The following B3GALT1 variants were observed in gnomAD, a reference collection of about 807,000 sequenced individuals.
The protein encoded by B3GALT1 is UDP-Gal:betaGlcNAc beta 1,3-galactosyltransferase, polypeptide 1.
In B3GALT1, 10 loss-of-function variants were observed where a neutral mutation model predicts 23.2. The ratio of observed to expected loss-of-function variants is 0.43; its 90% CI spans 0.27 to 0.73. The LOEUF (loss-of-function observed/expected upper bound fraction) is 0.73, where lower values mean the gene tolerates loss of function less well. B3GALT1 is among the 30% of genes least tolerant of loss of function. B3GALT1 has a pLI of 0.21. For synonymous variants in B3GALT1, 156 were observed against 141.5 expected (o/e 1.10, Z -0.73); for missense variants, 299 against 405.4 (o/e 0.74, Z 2.25).
chr2:167,433,111 C>T (rs1033798995), intron 1 of B3GALT1, among the ~76,000 whole-genome samples: 3 of 152,174 alleles, frequency 2.0e-5, no homozygotes, highest in Admixed American at 2.0e-4. Flanking sequence ...TTTCCCAACT[C>T]CTGGAAACCA....
At chr2:167,631,341 C>G (rs1249887767) in intron 2 of B3GALT1, 4 of 151,846 alleles carry the variant, frequency 2.6e-5, no homozygotes, top group Admixed American at 6.6e-5. Flanking sequence ...CCATACACAC[C>G]TGCCATTCAC....
chr2:167,866,233 T>C (rs1303662375), intron 4 of B3GALT1, among the ~76,000 whole-genome samples: 1 of 152,198 alleles, frequency 6.6e-6, no homozygotes, highest in Non-Finnish European at 1.5e-5. Flanking sequence ...TTACGGCTAG[T>C]GTGAATGGCA....
At chr2:167,657,179 T>C (rs1047597383) in intron 3 of B3GALT1, among the ~76,000 whole-genome samples, 5 of 152,148 alleles carry the variant, frequency 3.3e-5, no homozygotes, top group Non-Finnish European at 2.9e-5. Flanking sequence ...ACCCAGGGGA[T>C]ATTCAAATGG....
chr2:167,798,441 C>G (rs961464006), intron 3 of B3GALT1, among the ~76,000 whole-genome samples: 2 of 152,028 alleles, frequency 1.3e-5, no homozygotes, highest in Non-Finnish European at 2.9e-5. Context: ...GTCTTTAATC[C>G]ATCTTGAGTT....
intron 1 of B3GALT1, among the ~76,000 whole-genome samples, chr2:167,417,158 A>T (rs61107173): frequency 2.0e-4 from 30 of 152,114 alleles, no homozygotes; most frequent in African/African-American, 7.2e-4. Context: ...TTGACACTCA[A>T]TCCTCAATGT....
chr2:167,540,192 AG>A (rs773435765), intron 2 of B3GALT1, among the ~76,000 whole-genome samples: 3 of 152,122 alleles, frequency 2.0e-5, no homozygotes, highest in Non-Finnish European at 4.4e-5. Context: ...CAGCTAGTCC[AG>A]GGGTTACCAA....
At chr2:167,564,187 G>A (rs1399029536) in intron 2 of B3GALT1, among the ~76,000 whole-genome samples, 6 of 150,806 alleles carry the variant, frequency 4.0e-5, no homozygotes, top group Non-Finnish European at 7.4e-5. Flanking sequence ...CTTCTCAGAC[G>A]GGGCGGCCGG....
chr2:167,633,322 C>T (rs762353623), intron 2 of B3GALT1, among the ~76,000 whole-genome samples: 2 of 151,802 alleles, frequency 1.3e-5, no homozygotes, highest in Admixed American at 1.3e-4. Flanking sequence ...AACCGCCCAT[C>T]AGACTTGTAA....
intron 1 of B3GALT1, among the ~76,000 whole-genome samples, chr2:167,439,043 T>C (rs1290200949): frequency 2.0e-5 from 3 of 152,232 alleles, no homozygotes; most frequent in Non-Finnish European, 4.4e-5. Flanking sequence ...ACAGAATAAA[T>C]ATTCAAAGGC....
intron 1 of B3GALT1, among the ~76,000 whole-genome samples, chr2:167,463,389 C>T (rs1414931215): frequency 6.6e-6 from 1 of 152,086 alleles, no homozygotes; most frequent in African/African-American, 2.4e-5. Context: ...ATTACTAATA[C>T]ACTAATAGCC....
At chr2:167,619,904 A>G (rs927826327) in intron 2 of B3GALT1, among the ~76,000 whole-genome samples, 1 of 152,174 alleles carries the variant, frequency 6.6e-6, no homozygotes, top group African/African-American at 2.4e-5. Context: ...AACTATTTTC[A>G]TAGAACTTGC....
intron 2 of B3GALT1, among the ~76,000 whole-genome samples, chr2:167,520,426 G>A (rs1245875356): frequency 6.6e-6 from 1 of 152,146 alleles, no homozygotes; most frequent in Non-Finnish European, 1.5e-5. Flanking sequence ...TCTGATAAGA[G>A]GAGTGAGTAG....
intron 3 of B3GALT1, among the ~76,000 whole-genome samples, chr2:167,813,745 C>G (rs769308970): frequency 1.3e-5 from 2 of 152,078 alleles, no homozygotes; most frequent in African/African-American, 2.4e-5. Flanking sequence ...AGAATAGTAC[C>G]CTTAAATATT....
At chr2:167,841,147 C>T (rs1689640629) in intron 4 of B3GALT1, among the ~76,000 whole-genome samples, 1 of 148,484 alleles carries the variant, frequency 6.7e-6, no homozygotes, top group Non-Finnish European at 1.5e-5. Flanking sequence ...GCACATTGTG[C>T]ACATGTACCC....
At chr2:167,627,323 A>T (rs900468772) in intron 2 of B3GALT1, among the ~76,000 whole-genome samples, 1 of 151,630 alleles carries the variant, frequency 6.6e-6, no homozygotes, top group Non-Finnish European at 1.5e-5. Flanking sequence ...ATCAGTCTCA[A>T]CACTTCTCCC....
intron 1 of B3GALT1, among the ~76,000 whole-genome samples, chr2:167,446,282 T>C (rs1698990313): frequency 1.3e-5 from 2 of 152,244 alleles, no homozygotes; most frequent in African/African-American, 2.4e-5. Context: ...CCTTACTCTC[T>C]GGCTTCCCTT....
chr2:167,808,465 T>G (rs2105349082), intron 3 of B3GALT1, among the ~76,000 whole-genome samples: 1 of 151,760 alleles, frequency 6.6e-6, no homozygotes, highest in South Asian at 2.1e-4. Context: ...AGGAGCTCTT[T>G]TAGGGCAGGC....
intron 1 of B3GALT1, among the ~76,000 whole-genome samples, chr2:167,407,766 C>A (rs146892240): frequency 2.8e-3 from 425 of 152,102 alleles, no homozygotes; most frequent in African/African-American, 9.6e-3. Flanking sequence ...ACACATATCA[C>A]TTACCAAGAT....
chr2:167,640,451 G>A (rs541906701), intron 2 of B3GALT1, among the ~76,000 whole-genome samples: 31 of 151,602 alleles, frequency 2.0e-4, no homozygotes, highest in African/African-American at 5.8e-4. Context: ...TTTCTCTTAC[G>A]GCTTTTATTT....
Sources: gnomAD v4.1 joint callset for allele counts (sites outside exome capture counted in the v4.1 genomes callset) on GRCh38, gnomAD v4.1.1 for gene constraint, MANE v1.5 for transcripts, NCBI Gene and HGNC (gene_info 2026-07-23, HGNC 2026-07-21) for gene names.